Variants in GTF2I observed in about 807,000 individuals in gnomAD.
GTF2I encodes general transcription factor IIi, also known as general transcription factor II-I.
Under a neutral mutation model 67.6 loss-of-function variants are expected in GTF2I, and 12 were observed. That is an observed-to-expected ratio of 0.18 (90% CI 0.11 to 0.29). The LOEUF is 0.29. Ranked by LOEUF, GTF2I falls within the 10% of genes least tolerant of loss-of-function variation. The pLI, the probability that GTF2I is intolerant of heterozygous loss-of-function variation, is 1.00. For missense variants in GTF2I, 271 were observed against 580.1 expected, an observed-to-expected ratio of 0.47 and a Z score of 5.47; for synonymous variants, 149 against 197.0, an observed-to-expected ratio of 0.76 and a Z score of 2.04.
chr7:74,705,081 A>G (rs1790441348), intron 6 of GTF2I, 83 bp from the exon 7 acceptor site: 2 of 845,230 alleles, frequency 2.4e-6, no homozygotes, highest in Non-Finnish European at 4.0e-6. Flanking sequence ...GTTCTACCCC[A>G]CTAATTCTAT....
intron 1 of GTF2I, among the ~76,000 whole-genome samples, chr7:74,674,727 A>G (rs1805745013): frequency 7.0e-6 from 1 of 143,408 alleles, no homozygotes; most frequent in East Asian, 2.1e-4. Flanking sequence ...TTTTTTTTTT[A>G]GTGGAGACGG....
At chr7:74,701,277 T>G (rs1453928152) in intron 6 of GTF2I, among the ~76,000 whole-genome samples, 3 of 152,194 alleles carry the variant, frequency 2.0e-5, no homozygotes, top group Admixed American at 1.3e-4. Flanking sequence ...TTTGAGACTT[T>G]CGGAAGTAAA....
chr7:74,710,494 G>A (rs1158448253), intron 8 of GTF2I, among the ~76,000 whole-genome samples: 2 of 151,948 alleles, frequency 1.3e-5, no homozygotes, highest in Admixed American at 6.6e-5. Context: ...TTTGTATCTG[G>A]CCACAAAGGT....
chr7:74,700,055 G>T, intron 4 of GTF2I, 192 bp from the exon 5 acceptor site: 1 of 548,084 alleles, frequency 1.8e-6, no homozygotes, highest in Non-Finnish European at 3.2e-6. Flanking sequence ...TTTCATTTTG[G>T]CCCTTCGGAT....
At chr7:74,685,771 AAAG>A (rs1428239194) in intron 1 of GTF2I, among the ~76,000 whole-genome samples, 4 of 152,026 alleles carry the variant, frequency 2.6e-5, no homozygotes, top group African/African-American at 9.7e-5. Flanking sequence ...CGTCTTAAAA[AAAG>A]AAAAAAAAAA....
At chr7:74,747,750 C>T in intron 23 of GTF2I, among the ~76,000 whole-genome samples, 1 of 46,932 alleles carries the variant, frequency 2.1e-5, no homozygotes, top group Non-Finnish European at 4.2e-5. Flanking sequence ...CGAGATTGCG[C>T]CATTGCACTC....
chr7:74,732,069 G>A (rs1794531749), intron 14 of GTF2I, among the ~76,000 whole-genome samples: 1 of 147,208 alleles, frequency 6.8e-6, no homozygotes, highest in East Asian at 2.0e-4. Flanking sequence ...TGGCATACAT[G>A]TAATAAATGC....
intron 1 of GTF2I, among the ~76,000 whole-genome samples, chr7:74,673,970 C>T (rs1057350819): frequency 2.0e-5 from 3 of 151,620 alleles, no homozygotes; most frequent in Non-Finnish European, 2.9e-5. Flanking sequence ...TGAGCCACCG[C>T]GCCTGGCATA....
intron 1 of GTF2I, among the ~76,000 whole-genome samples, chr7:74,683,894 G>C (rs1787469760): frequency 6.6e-6 from 1 of 151,962 alleles, no homozygotes; most frequent in Admixed American, 6.6e-5. Context: ...GTACCTAGTT[G>C]CATTCCTTAT....
chr7:74,706,920 G>A (rs1790796198), intron 8 of GTF2I, among the ~76,000 whole-genome samples: 1 of 152,108 alleles, frequency 6.6e-6, no homozygotes, highest in Admixed American at 6.5e-5. Flanking sequence ...GCACGACCTC[G>A]GCTCACTGCA....
intron 6 of GTF2I, among the ~76,000 whole-genome samples, chr7:74,704,855 TAA>T (rs35715710): frequency 0.015 from 1,124 of 76,932 alleles, 40 homozygotes; most frequent in African/African-American, 0.036. Context: ...ACCCTGTTTC[TAA>T]AAAAAAAAAA....
chr7:74,685,002 T>G (rs1256772679), intron 1 of GTF2I: 1 of 152,284 alleles, frequency 6.6e-6, no homozygotes, highest in Non-Finnish European at 1.5e-5. Context: ...TTTAACTTTC[T>G]GGGGTTTAAT....
At chr7:74,720,407 A>C (rs1054230839) in intron 12 of GTF2I, among the ~76,000 whole-genome samples, 3 of 152,152 alleles carry the variant, frequency 2.0e-5, no homozygotes, top group Non-Finnish European at 2.9e-5. Context: ...AATATAAGTC[A>C]ATTAGTAGCT....
At chr7:74,705,100 C>G in intron 6 of GTF2I, 64 bp from the exon 7 acceptor site, 5 of 960,972 alleles carry the variant, frequency 5.2e-6, no homozygotes, top group Non-Finnish European at 8.4e-6. Context: ...ATATTTAAAG[C>G]CTTTAGACAT....
intron 7 of GTF2I, among the ~76,000 whole-genome samples, chr7:74,705,420 A>G (rs1196260288): frequency 1.3e-5 from 2 of 152,172 alleles, no homozygotes; most frequent in Non-Finnish European, 2.9e-5. Context: ...GGGAAAAGCC[A>G]GAGGCATTGG....
At chr7:74,719,614 T>C (rs1442208430) in intron 12 of GTF2I, among the ~76,000 whole-genome samples, 1 of 152,202 alleles carries the variant, frequency 6.6e-6, no homozygotes, top group African/African-American at 2.4e-5. Flanking sequence ...GCATTGCGTT[T>C]TTCCTTTTAA....
At position 74,667,351 on chromosome 7, in the gene GTF2I, G is replaced by T. The variant is rs587643061; in HGVS notation, c.-6+9283G>T. Reference sequence around the variant, plus strand: ...GAGCAAGACACCATCTCAAAAAAAAGAAAATCCTGTAAGATGAATTTGTTC... The same window carrying T: ...GAGCAAGACACCATCTCAAAAAAAATAAAATCCTGTAAGATGAATTTGTTC... On this transcript the variant is annotated intron_variant, in intron 1 of 34. Coordinates refer to ENST00000573035, the MANE Select transcript of GTF2I (RefSeq NM_032999.4). Among the ~76,000 whole-genome samples, 113 of 152,082 alleles carry T rather than the reference G, an allele frequency of 7.4e-4. 1 individual carries two copies. Among genetic ancestry groups the T allele is most frequent in the African/African-American group, 2.5e-3 (105 of 41,524 alleles).
At chr7:74,679,382 AT>A (rs587710012) in intron 1 of GTF2I, among the ~76,000 whole-genome samples, 7 of 149,204 alleles carry the variant, frequency 4.7e-5, no homozygotes, top group African/African-American at 4.9e-5. Context: ...TTTTCCATTT[AT>A]TTTTTTTTTA....
chr7:74,674,529 T>C (rs1805729073), intron 1 of GTF2I, among the ~76,000 whole-genome samples: 2 of 152,106 alleles, frequency 1.3e-5, no homozygotes, highest in African/African-American at 4.8e-5. Flanking sequence ...TCCACCCAGT[T>C]TCCTTGCCTC....
Sources: gnomAD v4.1 joint callset for allele counts (sites outside exome capture counted in the v4.1 genomes callset) on GRCh38, gnomAD v4.1.1 for gene constraint, MANE v1.5 for transcripts, NCBI Gene and HGNC (gene_info 2026-07-23, HGNC 2026-07-21) for gene names.